The following RBFOX1 variants were observed in gnomAD, a reference collection of about 807,000 sequenced individuals.
RBFOX1 encodes RNA binding protein fox-1 homolog 1.
RBFOX1 carries 8 observed loss-of-function variants against 57.7 expected under a neutral mutation model. That is an observed-to-expected ratio of 0.14 (90% CI 0.08 to 0.25). The LOEUF (loss-of-function observed/expected upper bound fraction) is 0.25, where lower values mean the gene tolerates loss of function less well. RBFOX1 is among the 10% of genes least tolerant of loss of function. The probability of loss-of-function intolerance (pLI) is 1.00; values close to 1 mark genes in which losing one functional copy is unlikely to be tolerated. For missense variants in RBFOX1, 611 were observed against 548.5 expected (o/e 1.11, Z -1.14); for synonymous variants, 326 against 222.4 (o/e 1.47, Z -4.15).
intron 4 of RBFOX1, among the ~76,000 whole-genome samples, chr16:7,147,730 C>G (rs746785128): frequency 1.3e-5 from 2 of 152,016 alleles, no homozygotes; most frequent in African/African-American, 2.4e-5. Context: ...TGATGGGTAT[C>G]TAGGTTAATT....
intron 2 of RBFOX1, among the ~76,000 whole-genome samples, chr16:6,516,235 G>T (rs540733188): frequency 7.7e-4 from 117 of 152,210 alleles, no homozygotes; most frequent in African/African-American, 2.7e-3. Context: ...TGCCATGTTG[G>T]CCAGGCTAGT....
At chr16:5,955,341 TAAAATAAAATAAATAAAAA>T (rs1567187734) in intron 4 of RBFOX1, among the ~76,000 whole-genome samples, 1,741 of 42,154 alleles carry the variant, frequency 0.041, 91 homozygotes, top group Admixed American at 0.13. Context: ...TAAAATAAAA[TAAAATAAAATAAATAAAAA>T]TAAAATAAAA....
At chr16:5,761,878 C>T (rs183949472) in intron 3 of RBFOX1, among the ~76,000 whole-genome samples, 3 of 152,230 alleles carry the variant, frequency 2.0e-5, no homozygotes, top group East Asian at 3.9e-4. Flanking sequence ...CATCCTAGGT[C>T]TGGTCCTTAC....
chr16:7,148,358 C>G (rs888309145), intron 4 of RBFOX1, among the ~76,000 whole-genome samples: 2 of 152,178 alleles, frequency 1.3e-5, no homozygotes, highest in African/African-American at 4.8e-5. Flanking sequence ...TCTATACAGG[C>G]CATTATCATA....
chr16:6,268,188 G>C (rs79076034), intron 1 of RBFOX1, among the ~76,000 whole-genome samples: 2,161 of 152,218 alleles, frequency 0.014, 63 homozygotes, highest in African/African-American at 0.049. Context: ...TGCCTTTTGT[G>C]ACAGTTTCCT....
chr16:7,536,403 G>A (rs1316718077), intron 5 of RBFOX1, among the ~76,000 whole-genome samples: 1 of 152,140 alleles, frequency 6.6e-6, no homozygotes, highest in Non-Finnish European at 1.5e-5. Context: ...AGACCAGCCT[G>A]GCCAAAATGG....
chr16:6,652,559 A>G (rs1490154101), intron 2 of RBFOX1, among the ~76,000 whole-genome samples: 1 of 152,268 alleles, frequency 6.6e-6, no homozygotes, highest in East Asian at 1.9e-4. Context: ...AGCCAGGAAG[A>G]GGGACCTCAC....
chr16:7,225,291 G>A lies in RBFOX1; in HGVS notation c.27+173193G>A, dbSNP rs143072535. On this transcript the variant is annotated intron_variant, in intron 4 of 15. Coordinates refer to ENST00000550418, the MANE Select transcript of RBFOX1 (RefSeq NM_018723.4). ...GCTCCCATAATTCCTACGTGTTGTG[G>A]GAGGGACTTGATGGGAGATAGCCGA... Among the ~76,000 whole-genome samples, 3 of 152,196 alleles carry A rather than the reference G, an allele frequency of 2.0e-5. No homozygotes were observed. In the East Asian group the frequency reaches 5.8e-4, roughly 30 times the overall value.
At chr16:7,367,599 C>G (rs906174257) in intron 4 of RBFOX1, among the ~76,000 whole-genome samples, 2 of 152,170 alleles carry the variant, frequency 1.3e-5, no homozygotes, top group Non-Finnish European at 2.9e-5. Context: ...TAGTCTCTAA[C>G]TCCAGACTCT....
chr16:5,875,413 C>A (rs2151909456), intron 4 of RBFOX1, among the ~76,000 whole-genome samples: 1 of 152,248 alleles, frequency 6.6e-6, no homozygotes. Context: ...GAAACTCGGG[C>A]AAATGACTTA....
chr16:7,570,585 G>A (rs1288776455), intron 5 of RBFOX1, among the ~76,000 whole-genome samples: 3 of 152,316 alleles, frequency 2.0e-5, no homozygotes, highest in Non-Finnish European at 1.5e-5. Flanking sequence ...AGCTGGACTA[G>A]TGATGAAACT....
intron 2 of RBFOX1, among the ~76,000 whole-genome samples, chr16:6,606,628 G>A (rs1186277331): frequency 6.6e-6 from 1 of 152,084 alleles, no homozygotes; most frequent in Admixed American, 6.6e-5. Context: ...TTGGTTTTCT[G>A]TGTTAGTTTG....
intron 2 of RBFOX1, among the ~76,000 whole-genome samples, chr16:6,648,816 A>G (rs2098554036): frequency 6.6e-6 from 1 of 152,052 alleles, no homozygotes. Flanking sequence ...GAATCTGGGT[A>G]TTTTTCTTTG....
Position 7,567,313 on chromosome 16 carries a change from A to G in RBFOX1, c.271-12464A>G, listed in dbSNP as rs1226709719. 2.6e-5 allele frequency among the ~76,000 whole-genome samples: 3 copies of G among 115,458 alleles called. 1 individual carries two copies. The highest frequency in any genetic ancestry group is 5.4e-5 in the Non-Finnish European group (3 of 55,916). 75.7% of individuals were successfully genotyped at this position (115,458 alleles called of 152,430 possible). A position where few individuals can be genotyped will look rare whatever the true frequency, so the allele number is the denominator to read the frequency against. The stretch of plus-strand genomic sequence containing the variant: ...TCCTTATATATGGCCCTATATATAT[A>G]TATATATATCTCCCTATATATGGCC... On this transcript the variant is annotated intron_variant, in intron 5 of 15. Coordinates refer to ENST00000550418, the MANE Select transcript of RBFOX1 (RefSeq NM_018723.4).
chr16:5,354,572 T>G (rs2065341029), intron 1 of RBFOX1, among the ~76,000 whole-genome samples: 1 of 152,184 alleles, frequency 6.6e-6, no homozygotes, highest in African/African-American at 2.4e-5. Flanking sequence ...TTCTGGCTAT[T>G]AGGATTTTTC....
chr16:6,796,779 A>C (rs62016121), intron 3 of RBFOX1, among the ~76,000 whole-genome samples: 1 of 152,120 alleles, frequency 6.6e-6, no homozygotes, highest in Non-Finnish European at 1.5e-5. Context: ...CTGCCTTCCA[A>C]CTTCTTCTAT....
In RBFOX1 at chr16:6,920,277, T is replaced by C. The variant is rs551591708; in HGVS notation, c.-15-131780T>C. ...GTGTTTTTTTATATGACTTCTTTCCTTTGGTAGATATCCAGTAGTGGGATT... is the reference window on the plus strand; with the variant it reads ...GTGTTTTTTTATATGACTTCTTTCCCTTGGTAGATATCCAGTAGTGGGATT... On this transcript the variant is annotated intron_variant, in intron 3 of 15. Coordinates refer to ENST00000550418, the MANE Select transcript of RBFOX1 (RefSeq NM_018723.4). 2.0e-5 allele frequency among the ~76,000 whole-genome samples: 3 copies of C among 152,310 alleles called. No individual in the cohort carries two copies. In the East Asian group the frequency reaches 5.8e-4, roughly 29 times the overall value.
rs1245593305 is a variant in RBFOX1 at position 7,098,901 on chromosome 16, C to G, written c.27+46803C>G. On this transcript the variant is annotated intron_variant, in intron 4 of 15. Coordinates refer to ENST00000550418, the MANE Select transcript of RBFOX1 (RefSeq NM_018723.4). ...TTGCAGTAACCCTCAGTTTCTTCAT[C>G]TTTAAAATGGGACTGTTACTAGTGC... 2.0e-5 allele frequency among the ~76,000 whole-genome samples: 3 copies of G among 152,106 alleles called. No individual in the cohort carries two copies. In the East Asian group the frequency reaches 5.8e-4, roughly 29 times the overall value.
chr16:7,682,598 G>A (rs2075049947), intron 14 of RBFOX1, among the ~76,000 whole-genome samples: 1 of 149,626 alleles, frequency 6.7e-6, no homozygotes, highest in South Asian at 2.1e-4. Context: ...ACTCTCTTGG[G>A]TTCTATAATT....
Sources: gnomAD v4.1 joint callset for allele counts (sites outside exome capture counted in the v4.1 genomes callset) on GRCh38, gnomAD v4.1.1 for gene constraint, MANE v1.5 for transcripts, NCBI Gene and HGNC (gene_info 2026-07-23, HGNC 2026-07-21) for gene names.